Variants in RS1 observed in about 807,000 individuals in gnomAD.
RS1 encodes retinoschisin.
A neutral mutation model predicts 20.8 loss-of-function variants in RS1; 2 were observed. The observed-to-expected ratio is 0.10, with a 90% confidence interval of 0.04 to 0.30. The LOEUF (loss-of-function observed/expected upper bound fraction) is 0.30, where lower values mean the gene tolerates loss of function less well. Ranked by LOEUF, RS1 falls within the 10% of genes least tolerant of loss-of-function variation. The pLI is 1.00. For missense variants in RS1, 151 were observed against 189.8 expected (o/e 0.80, Z 1.20); for synonymous variants, 70 against 75.8 (o/e 0.92, Z 0.40).
chrX:18,656,697 T>C lies in RS1; in HGVS notation c.140A>G (p.Asn47Ser), dbSNP rs1029517939. ...ACKCDCQGGP[N>S]ALWSAGATSL... is the part of the protein sequence containing the mutation. ...GGTGGCACCTGCAGACCACAGAGCA[T>C]TGGGTCCTCCTTGGCAATCGCACTT... The change falls in exon 3 of 6, where the codon AAT becomes AGT. Residue 47 changes from asparagine to serine, a missense_variant. Physicochemically the swap from Asn to Ser is conservative, Grantham distance 46. Coordinates refer to ENST00000379984, the MANE Select transcript of RS1 (RefSeq NM_000330.4). 1.7e-6 allele frequency: 2 copies of C among 1,211,008 alleles called. No individual in the cohort carries two copies. Among genetic ancestry groups the C allele is most frequent in the African/African-American group, 1.7e-5 (1 of 57,675 alleles).
chrX:18,648,514 A>T (rs892922791), intron 3 of RS1, among the ~76,000 whole-genome samples: 9 of 110,707 alleles, frequency 8.1e-5, no homozygotes, highest in Middle Eastern at 4.6e-3. Flanking sequence ...GGCACTAGGG[A>T]TTACAGGTGT....
At chrX:18,645,806 A>G (rs1468120857) in intron 4 of RS1, among the ~76,000 whole-genome samples, 2 of 111,053 alleles carry the variant, frequency 1.8e-5, no homozygotes, top group Admixed American at 1.9e-4. Context: ...CTCATTTGGT[A>G]ATAGAACCCC....
chrX:18,651,222 TG>T (rs1268255968), intron 3 of RS1, among the ~76,000 whole-genome samples: 3 of 14,639 alleles, frequency 2.0e-4, no homozygotes, highest in Admixed American at 8.0e-4. Flanking sequence ...CAGGAGCAAG[TG>T]TGTGTGTGTG....
intron 1 of RS1, among the ~76,000 whole-genome samples, chrX:18,670,416 G>A (rs890992971): frequency 1.8e-5 from 2 of 109,689 alleles, no homozygotes; most frequent in African/African-American, 6.6e-5. Context: ...TTGTAGAGAC[G>A]GGGTTTCACC....
chrX:18,658,947 A>C (rs374253977), intron 1 of RS1, among the ~76,000 whole-genome samples: 2 of 111,755 alleles, frequency 1.8e-5, no homozygotes, highest in East Asian at 5.6e-4. Context: ...TGTACAGGAA[A>C]TATCAAACCA....
chrX:18,662,627 TC>T (rs1333246728), intron 1 of RS1, among the ~76,000 whole-genome samples: 3 of 107,510 alleles, frequency 2.8e-5, no homozygotes, highest in African/African-American at 1.0e-4. Context: ...CATGAACTCA[TC>T]CTTTTTTTTT....
chrX:18,644,664 G>T, intron 4 of RS1, 39 bp from the exon 5 acceptor site: 1 of 1,180,727 alleles, frequency 8.5e-7, no homozygotes. Flanking sequence ...GACTCCCCCT[G>T]TGCATGTCTG....
intron 5 of RS1, among the ~76,000 whole-genome samples, chrX:18,643,519 A>G (rs1927660249): frequency 8.9e-6 from 1 of 112,467 alleles, no homozygotes; most frequent in Non-Finnish European, 1.9e-5. Context: ...GGCCTTCAGA[A>G]GCACAGGGCT....
At chrX:18,665,883 CAAAAAAAAAAA>C (rs55857132) in intron 1 of RS1, among the ~76,000 whole-genome samples, 5 of 34,879 alleles carry the variant, frequency 1.4e-4, no homozygotes, top group African/African-American at 2.2e-4. Flanking sequence ...GACCCTGTCT[CAAAAAAAAAAA>C]AAAAAAAAAA....
chrX:18,665,880 T>C (rs772753329), intron 1 of RS1, among the ~76,000 whole-genome samples: 1 of 55,909 alleles, frequency 1.8e-5, no homozygotes, highest in Middle Eastern at 0.011. Context: ...TGAGACCCTG[T>C]CTCAAAAAAA....
At chrX:18,648,526 A>C (rs969246350) in intron 3 of RS1, among the ~76,000 whole-genome samples, 4 of 110,873 alleles carry the variant, frequency 3.6e-5, no homozygotes, top group African/African-American at 1.3e-4. Flanking sequence ...TACAGGTGTG[A>C]GCCATCACAC....
At position 18,659,390 on chromosome X, in the gene RS1, C is replaced by T. The variant is rs916035610; in HGVS notation, c.53-1725G>A. 4.5e-5 allele frequency among the ~76,000 whole-genome samples: 5 copies of T among 111,209 alleles called. No individual in the cohort carries two copies. The South Asian group carries it at 2.0e-3, about 44-fold the overall frequency. ...CTGGGAGGCTGAGGCAGGAGAATCA[C>T]TTGAAACCCGGGTTGCAGTGAGCCG... On this transcript the variant is annotated intron_variant, in intron 1 of 5. Transcript: ENST00000379984.
intron 3 of RS1, chrX:18,647,639 C>T (rs964409432): frequency 2.9e-5 from 9 of 311,625 alleles, no homozygotes; most frequent in Non-Finnish European, 4.5e-5. Flanking sequence ...TCACCTCCTC[C>T]ACCAACTTAG....
intron 1 of RS1, among the ~76,000 whole-genome samples, chrX:18,658,905 G>C (rs1423383741): frequency 1.8e-5 from 2 of 111,324 alleles, no homozygotes; most frequent in South Asian, 3.7e-4. Context: ...TTAAGACATT[G>C]TTTAGAAATT....
intron 2 of RS1, among the ~76,000 whole-genome samples, chrX:18,657,216 A>ATTTTTTTTT (rs1491322520): frequency 2.8e-5 from 1 of 36,298 alleles, no homozygotes. Flanking sequence ...CAAAAAAAAT[A>ATTTTTTTTT]CTTTTTTTTT....
At chrX:18,668,307 G>A (rs934329950) in intron 1 of RS1, among the ~76,000 whole-genome samples, 11 of 111,935 alleles carry the variant, frequency 9.8e-5, no homozygotes, top group African/African-American at 3.6e-4. Context: ...TCTGCTGTGA[G>A]GAAACCCTTG....
rs750293033 is a variant in RS1 at position 18,658,879 on chromosome X, A to G, written c.53-1214T>C. Among the ~76,000 whole-genome samples, 3 of 111,734 alleles carry G rather than the reference A, an allele frequency of 2.7e-5. No individual in the cohort carries two copies. The East Asian group carries it at 8.4e-4, about 31-fold the overall frequency. ...TTCCCAGTTCCCTCACTGTGCCACA[A>G]TTAGATGATTTAAGATTAAGACATT... On this transcript the variant is annotated intron_variant, in intron 1 of 5. Coordinates refer to ENST00000379984, the MANE Select transcript of RS1 (RefSeq NM_000330.4).
intron 4 of RS1, among the ~76,000 whole-genome samples, chrX:18,645,315 C>T: frequency 9.0e-6 from 1 of 111,173 alleles, no homozygotes; most frequent in Admixed American, 9.6e-5. Context: ...CCTGACTTTT[C>T]ACTTCTATCC....
In RS1 at chrX:18,653,323, G is replaced by T. The variant is rs1321781905; in HGVS notation, c.184+3330C>A. 3 of 1,151,203 alleles carry T rather than the reference G, an allele frequency of 2.6e-6. No individual in the cohort carries two copies. In the African/African-American group the frequency reaches 5.4e-5, roughly 21 times the overall value. The allele number at this position is 1,151,203 out of a possible 1,213,427, so 94.9% of individuals were successfully genotyped here. ...CATTAAAGTGAAGATTAGGAGGCCA[G>T]AATGCATGTGGCCTTCTGCTCCGTG... On this transcript the variant is annotated intron_variant, in intron 3 of 5. Coordinates refer to ENST00000379984, the MANE Select transcript of RS1 (RefSeq NM_000330.4).
Sources: allele counts gnomAD v4.1 joint callset (sites outside exome capture counted in the v4.1 genomes callset), GRCh38; gene constraint gnomAD v4.1.1; transcripts MANE v1.5; gene names NCBI Gene and HGNC (gene_info 2026-07-23, HGNC 2026-07-21).